Variants in ZNF608 observed in about 807,000 individuals in gnomAD.
ZNF608 encodes the protein renal carcinoma antigen NY-REN-36.
A neutral mutation model predicts 109.0 loss-of-function variants in ZNF608; 12 were observed. The observed-to-expected ratio is 0.11, with a 90% CI of 0.07 to 0.18. The LOEUF is 0.18. ZNF608 is among the 10% of genes least tolerant of loss of function. The probability of loss-of-function intolerance (pLI) is 1.00; values close to 1 mark genes in which losing one functional copy is unlikely to be tolerated. For synonymous variants in ZNF608, 732 were observed against 717.4 expected (o/e 1.02, Z -0.33); for missense variants, 1,707 against 1,879.3 (o/e 0.91, Z 1.70).
Position 124,715,900 on chromosome 5 carries a change from T to C in ZNF608, c.907-14631A>G, listed in dbSNP as rs187556774. 1.2e-3 allele frequency among the ~76,000 whole-genome samples: 185 copies of C among 152,176 alleles called. 2 individuals are homozygous for C. The highest frequency in any genetic ancestry group is 4.2e-3 in the African/African-American group (176 of 41,550). ...GGCTCACGCCTGTAATCCCAGCACC[T>C]TGGGAGGCCGAGGCGGGCGGATCAC... On this transcript the variant is annotated intron_variant, in intron 2 of 9. Coordinates refer to ENST00000513986, the MANE Select transcript of ZNF608 (RefSeq NM_020747.3).
At chr5:124,745,680 T>A (rs1044929620) in intron 1 of ZNF608, among the ~76,000 whole-genome samples, 6 of 152,328 alleles carry the variant, frequency 3.9e-5, no homozygotes, top group African/African-American at 1.4e-4. Context: ...TTTCCTTATT[T>A]CTAATTTAGG....
intron 3 of ZNF608, among the ~76,000 whole-genome samples, chr5:124,692,116 T>G (rs1279581215): frequency 6.6e-6 from 1 of 152,230 alleles, no homozygotes; most frequent in Non-Finnish European, 1.5e-5. Context: ...ATTTTGTTCC[T>G]CCTTCCTTGT....
intron 2 of ZNF608, among the ~76,000 whole-genome samples, chr5:124,712,404 T>G (rs1400200672): frequency 6.6e-6 from 1 of 152,078 alleles, no homozygotes; most frequent in Non-Finnish European, 1.5e-5. Flanking sequence ...CTGTGACCCC[T>G]GGCAGAAAGA....
intron 2 of ZNF608, among the ~76,000 whole-genome samples, chr5:124,742,252 C>G (rs1749443112): frequency 6.6e-6 from 1 of 152,128 alleles, no homozygotes; most frequent in Non-Finnish European, 1.5e-5. Context: ...TGACAGCAGC[C>G]TTTTAGATAC....
intron 3 of ZNF608, among the ~76,000 whole-genome samples, chr5:124,694,029 G>T (rs1752733678): frequency 8.7e-6 from 1 of 115,292 alleles, no homozygotes; most frequent in Non-Finnish European, 1.6e-5. Context: ...AGGCTAGAGT[G>T]CAGTGGCGCG....
intron 3 of ZNF608, among the ~76,000 whole-genome samples, chr5:124,664,467 G>C (rs1484357092): frequency 1.3e-5 from 2 of 152,172 alleles, no homozygotes; most frequent in African/African-American, 2.4e-5. Context: ...TTGTCCCCAG[G>C]GGATAAAGAC....
At chr5:124,696,290 T>C (rs948068410) in intron 3 of ZNF608, among the ~76,000 whole-genome samples, 1 of 152,026 alleles carries the variant, frequency 6.6e-6, no homozygotes, top group Non-Finnish European at 1.5e-5. Context: ...CCTTGAAAAA[T>C]GCATCAGGTG....
Position 124,661,483 on chromosome 5 carries a change from GAA to G in ZNF608, c.1163-11788_1163-11787del, listed in dbSNP as rs34532609. On this transcript the variant is annotated intron_variant, in intron 3 of 9. Transcript: ENST00000513986. ...TCCAAAGTTCTTATCTTTCAGGGAA[GAA>G]AAAAAAAAAAAAGCCCCACAGAGTT... Among the ~76,000 whole-genome samples, 369 of 136,354 alleles carry G rather than the reference GAA, an allele frequency of 2.7e-3. 1 individual carries two copies. Among genetic ancestry groups the G allele is most frequent in the African/African-American group, 7.6e-3 (277 of 36,248 alleles). 89.5% of individuals were successfully genotyped at this position (136,354 alleles called of 152,430 possible). A position where few individuals can be genotyped will look rare whatever the true frequency, so the allele number is the denominator to read the frequency against.
upstream of ZNF608, chr5:124,746,910 G>T: frequency 5.5e-6 from 1 of 183,482 alleles, no homozygotes; most frequent in African/African-American, 3.0e-5. Context: ...TCAGTGAGCT[G>T]ATAAACCAGT....
chr5:124,693,135 G>C (rs779087186), intron 3 of ZNF608, among the ~76,000 whole-genome samples: 1 of 152,232 alleles, frequency 6.6e-6, no homozygotes, highest in Non-Finnish European at 1.5e-5. Context: ...TACACCTTAA[G>C]TGCGTAGATT....
intron 3 of ZNF608, among the ~76,000 whole-genome samples, chr5:124,660,307 T>C (rs888357587): frequency 6.6e-6 from 1 of 151,948 alleles, no homozygotes; most frequent in African/African-American, 2.4e-5. Flanking sequence ...GGAATATGAA[T>C]GTCAGAGAAA....
intron 3 of ZNF608, among the ~76,000 whole-genome samples, chr5:124,667,108 G>A (rs1482982118): frequency 2.0e-5 from 3 of 152,092 alleles, no homozygotes; most frequent in East Asian, 3.8e-4. Flanking sequence ...AAGTAAAAAT[G>A]AACTGCCTGA....
At chr5:124,710,428 G>A in intron 2 of ZNF608, 1 of 365,434 alleles carries the variant, frequency 2.7e-6, no homozygotes, top group Non-Finnish European at 5.4e-6. Flanking sequence ...AAGTGCCTGA[G>A]TCACACTGTA....
chr5:124,720,185 CAGTA>C (rs1400353610), intron 2 of ZNF608, among the ~76,000 whole-genome samples: 1 of 152,150 alleles, frequency 6.6e-6, no homozygotes, highest in African/African-American at 2.4e-5. Context: ...ATAGCCTTCT[CAGTA>C]AGTAATTTAT....
chr5:124,683,113 T>A (rs1045286260), intron 3 of ZNF608, among the ~76,000 whole-genome samples: 2 of 152,104 alleles, frequency 1.3e-5, no homozygotes, highest in South Asian at 2.1e-4. Flanking sequence ...CCACATGGCA[T>A]AGCAAGTCAA....
chr5:124,641,519 T>A (rs1047818262), intron 7 of ZNF608, 114 bp from the exon 8 acceptor site: 4 of 1,158,968 alleles, frequency 3.5e-6, no homozygotes, highest in African/African-American at 3.2e-5. Context: ...AAAGTAAATA[T>A]AAAGATACAA....
At chr5:124,687,221 G>C (rs1252488346) in intron 3 of ZNF608, among the ~76,000 whole-genome samples, 2 of 152,104 alleles carry the variant, frequency 1.3e-5, no homozygotes, top group Non-Finnish European at 2.9e-5. Flanking sequence ...TTCTTTGGAT[G>C]GTCTGTATCT....
At chr5:124,656,037 T>G (rs1750989259) in intron 3 of ZNF608, among the ~76,000 whole-genome samples, 1 of 148,834 alleles carries the variant, frequency 6.7e-6, no homozygotes, top group East Asian at 1.9e-4. Flanking sequence ...ATGCAGTATG[T>G]TTTTTTTTTA....
intron 2 of ZNF608, among the ~76,000 whole-genome samples, chr5:124,721,941 CAAAAAAAAAAAAA>C (rs199699487): frequency 0.017 from 354 of 20,824 alleles, 4 homozygotes; most frequent in Non-Finnish European, 0.026. Context: ...GACTCTGTCT[CAAAAAAAAAAAAA>C]AAAAAAAAAA....
Sources: gnomAD v4.1 joint callset for allele counts (sites outside exome capture counted in the v4.1 genomes callset) on GRCh38, gnomAD v4.1.1 for gene constraint, MANE v1.5 for transcripts, NCBI Gene and HGNC (gene_info 2026-07-23, HGNC 2026-07-21) for gene names.